TMEFF2: variants seen among roughly 807,000 people sequenced by gnomAD.
TMEFF2 encodes the protein transmembrane protein with EGF like and two follistatin like domains 2.
A neutral mutation model predicts 53.8 loss-of-function variants in TMEFF2; 28 were observed. That is an observed-to-expected ratio of 0.52 (90% CI 0.39 to 0.71). The LOEUF is 0.71. TMEFF2 is among the 30% of genes least tolerant of loss of function. The pLI is 0.00. For missense variants in TMEFF2, 353 were observed against 455.2 expected (o/e 0.78, Z 2.04); for synonymous variants, 162 against 166.3 (o/e 0.97, Z 0.20).
intron 4 of TMEFF2, among the ~76,000 whole-genome samples, chr2:192,153,119 ACT>A (rs753518656): frequency 3.3e-5 from 5 of 151,534 alleles, no homozygotes; most frequent in East Asian, 3.9e-4. Context: ...AAGAATTATT[ACT>A]CTTTTTAATA....
intron 2 of TMEFF2, among the ~76,000 whole-genome samples, chr2:192,190,862 G>A (rs1452771235): frequency 7.3e-6 from 1 of 137,176 alleles, no homozygotes; most frequent in East Asian, 2.1e-4. Flanking sequence ...CTAAATTTGA[G>A]TTTATTGTTT....
intron 4 of TMEFF2, among the ~76,000 whole-genome samples, chr2:192,147,507 T>A (rs1238703152): frequency 2.1e-5 from 3 of 145,218 alleles, no homozygotes; most frequent in Non-Finnish European, 4.5e-5. Context: ...CAGGCCCCGG[T>A]GTGTGATGTT....
chr2:192,115,153 A>T (rs1689372478), intron 4 of TMEFF2, among the ~76,000 whole-genome samples: 1 of 151,948 alleles, frequency 6.6e-6, no homozygotes, highest in African/African-American at 2.4e-5. Context: ...AAAAAATGAA[A>T]CTGAAGGCAT....
At chr2:192,112,234 G>A (rs921519526) in intron 4 of TMEFF2, among the ~76,000 whole-genome samples, 1 of 152,208 alleles carries the variant, frequency 6.6e-6, no homozygotes, top group Admixed American at 6.5e-5. Flanking sequence ...GGCCGTGAAA[G>A]CAGCCAAGAG....
At chr2:191,970,934 C>T (rs1692622097) in intron 7 of TMEFF2, among the ~76,000 whole-genome samples, 1 of 152,168 alleles carries the variant, frequency 6.6e-6, no homozygotes, top group Non-Finnish European at 1.5e-5. Flanking sequence ...GTATGATCAC[C>T]TTAGCTTAAG....
rs397696757 is a variant in TMEFF2, at chr2:191,983,404, T to TTC, written c.745+14857_745+14858insGA. On this transcript the variant is annotated intron_variant, in intron 7 of 9. Transcript: ENST00000272771. ...ATGCATCTTAGCCTTTTTTTTTTTT[T>TTC]CTCCTGGGGCAAAAAGGGATATGAA... 5.7e-3 allele frequency among the ~76,000 whole-genome samples: 855 copies of TTC among 150,962 alleles called. 18 individuals carry two copies. The highest frequency in any genetic ancestry group is 0.019 in the African/African-American group (800 of 41,096).
intron 4 of TMEFF2, among the ~76,000 whole-genome samples, chr2:192,083,439 T>C (rs1180729925): frequency 6.6e-6 from 1 of 152,170 alleles, no homozygotes; most frequent in Non-Finnish European, 1.5e-5. Context: ...ATATGGACAG[T>C]AAGTCTATTG....
At position 191,953,825 on chromosome 2, in the gene TMEFF2, A is replaced by ACCAGCATCAC; in HGVS notation, c.872_881dup (p.Tyr295Ter). ...TTTTTTCACAGTGTTGTCCAGTATAACCAGCATCACACCTGGAAGAAATTA... is the reference window on the plus strand; with the variant it reads ...TTTTTTCACAGTGTTGTCCAGTATAACCAGCATCACCCAGCATCACACCTGGAAGAAATTA... On this transcript the variant is annotated stop_gained and frameshift_variant, in exon 9 of 10. Coordinates refer to ENST00000272771, the MANE Select transcript of TMEFF2 (RefSeq NM_016192.4). LOFTEE classifies it high-confidence loss of function. 1 of 1,610,356 alleles carries ACCAGCATCAC rather than the reference A, an allele frequency of 6.2e-7. No homozygotes were observed. Among genetic ancestry groups the ACCAGCATCAC allele is most frequent in the Non-Finnish European group, 8.5e-7 (1 of 1,178,104 alleles).
chr2:192,081,156 A>C (rs907883630), intron 4 of TMEFF2, among the ~76,000 whole-genome samples: 1 of 152,200 alleles, frequency 6.6e-6, no homozygotes, highest in Non-Finnish European at 1.5e-5. Flanking sequence ...AAGCAAAGTG[A>C]TACGCTTTGT....
At chr2:192,037,649 G>GAGAA (rs1370426098) in intron 5 of TMEFF2, among the ~76,000 whole-genome samples, 2,993 of 16,456 alleles carry the variant, frequency 0.18, 95 homozygotes, top group African/African-American at 0.2. Flanking sequence ...GAGAAAGAGA[G>GAGAA]AGAGAGAGAG....
chr2:192,191,441 C>G lies in TMEFF2; in HGVS notation c.282+439G>C, dbSNP rs2356966. Among the ~76,000 whole-genome samples, 1,199 of 152,138 alleles carry G rather than the reference C, an allele frequency of 7.9e-3. 27 individuals are homozygous for G. Among genetic ancestry groups the G allele is most frequent in the African/African-American group, 0.027 (1,131 of 41,492 alleles). ...CACTAATAAGGAGTTACCTTAAAAACCTAGTCAGGTTGCAAGGATAATAAA... is the reference window on the plus strand; with the variant it reads ...CACTAATAAGGAGTTACCTTAAAAAGCTAGTCAGGTTGCAAGGATAATAAA... On this transcript the variant is annotated intron_variant, in intron 2 of 9. Coordinates refer to ENST00000272771, the MANE Select transcript of TMEFF2 (RefSeq NM_016192.4).
intron 4 of TMEFF2, among the ~76,000 whole-genome samples, chr2:192,087,752 T>C (rs1027638594): frequency 1.4e-4 from 21 of 152,110 alleles, no homozygotes; most frequent in Non-Finnish European, 2.4e-4. Flanking sequence ...TCTGAGGAAG[T>C]TCTCTATATC....
chr2:191,967,032 C>T, intron 7 of TMEFF2, among the ~76,000 whole-genome samples: 1 of 148,018 alleles, frequency 6.8e-6, no homozygotes, highest in Non-Finnish European at 1.5e-5. Flanking sequence ...AACTGAACTT[C>T]TGAGAAAAAA....
intron 7 of TMEFF2, among the ~76,000 whole-genome samples, chr2:191,970,192 G>A (rs1692594769): frequency 6.6e-6 from 1 of 151,878 alleles, no homozygotes; most frequent in African/African-American, 2.4e-5. Flanking sequence ...ATACCAATGA[G>A]CAAGTTTTTT....
chr2:192,124,213 T>C lies in TMEFF2; in HGVS notation c.439+55455A>G, dbSNP rs562485405. Among the ~76,000 whole-genome samples, 4 of 152,344 alleles carry C rather than the reference T, an allele frequency of 2.6e-5. No individual in the cohort carries two copies. The South Asian group carries it at 6.2e-4, about 24-fold the overall frequency. On this transcript the variant is annotated intron_variant, in intron 4 of 9. Coordinates refer to ENST00000272771, the MANE Select transcript of TMEFF2 (RefSeq NM_016192.4). ...CCACTTTAAGATAAACATGCATGAA[T>C]GCAATCATTACAAAAATGAATGTCT...
chr2:192,108,613 G>T (rs903954815), intron 4 of TMEFF2, among the ~76,000 whole-genome samples: 4 of 151,888 alleles, frequency 2.6e-5, no homozygotes, highest in Non-Finnish European at 5.9e-5. Flanking sequence ...ATGTAAAATA[G>T]TACAGTCACT....
In TMEFF2 at chr2:191,964,347, T is replaced by C. The variant is rs1267082489; in HGVS notation, c.746-7969A>G. On this transcript the variant is annotated intron_variant, in intron 7 of 9. Transcript: ENST00000272771. Reference sequence around the variant, plus strand: ...TCCTTTCTTTCCTTCTTTCTTTCTTTCTTTCTTTCTTTCTTTCTTTCTTTC... The same window carrying C: ...TCCTTTCTTTCCTTCTTTCTTTCTTCCTTTCTTTCTTTCTTTCTTTCTTTC... Among the ~76,000 whole-genome samples, 65 of 104,654 alleles carry C rather than the reference T, an allele frequency of 6.2e-4. 1 individual carries two copies. Among genetic ancestry groups the C allele is most frequent in the African/African-American group, 2.8e-3 (64 of 22,934 alleles). 68.7% of individuals were successfully genotyped at this position (104,654 alleles called of 152,430 possible).
At chr2:192,022,576 G>A (rs1686881666) in intron 5 of TMEFF2, among the ~76,000 whole-genome samples, 1 of 152,100 alleles carries the variant, frequency 6.6e-6, no homozygotes, top group Non-Finnish European at 1.5e-5. Context: ...TTCTGATAGA[G>A]GAAGCAAAGT....
chr2:192,100,812 A>G (rs1055138320), intron 4 of TMEFF2, among the ~76,000 whole-genome samples: 1 of 152,238 alleles, frequency 6.6e-6, no homozygotes, highest in Non-Finnish European at 1.5e-5. Context: ...TGCAGATTAT[A>G]TATTATAGTT....
Sources: allele counts gnomAD v4.1 joint callset (sites outside exome capture counted in the v4.1 genomes callset), GRCh38; gene constraint gnomAD v4.1.1; transcripts MANE v1.5; gene names NCBI Gene and HGNC (gene_info 2026-07-23, HGNC 2026-07-21).